Variants in SLC5A9 observed in about 807,000 individuals in gnomAD.
SLC5A9 encodes sodium/glucose cotransporter 4.
SLC5A9 carries 59 observed loss-of-function variants against 70.9 expected under a neutral mutation model. That is an observed-to-expected ratio of 0.83 (90% confidence interval 0.68 to 1.03). The LOEUF (loss-of-function observed/expected upper bound fraction) is 1.03, where lower values mean the gene tolerates loss of function less well. Among genes scored for constraint, SLC5A9 ranks in the 50% least tolerant of loss-of-function variants. The probability of loss-of-function intolerance (pLI) is 0.00; values close to 1 mark genes in which losing one functional copy is unlikely to be tolerated. For synonymous variants in SLC5A9, 340 were observed against 346.5 expected (o/e 0.98, Z 0.21); for missense variants, 832 against 881.1 (o/e 0.94, Z 0.71).
rs572349864 is a variant in SLC5A9 at position 48,224,816 on chromosome 1, C to G, written c.234+21C>G. On this transcript the variant is annotated intron_variant, in intron 2 of 13. Coordinates refer to ENST00000438567, the MANE Select transcript of SLC5A9 (RefSeq NM_001011547.3). ...GGCCAGTGAGTTGACCCTTCTCAAC[C>G]ACCCCTAGTGCAGAGGCTCCCAACT... The G allele has an allele frequency of 5.0e-6, 8 of 1,612,280 alleles. No homozygotes were observed. The South Asian group carries it at 8.8e-5, about 18-fold the overall frequency.
In SLC5A9 at chr1:48,233,716, T is replaced by A; in HGVS notation, c.1095T>A (p.Cys365Ter). 1 of 1,614,120 alleles carries A rather than the reference T, an allele frequency of 6.2e-7. No homozygotes were observed. The highest frequency in any genetic ancestry group is 8.5e-7 in the Non-Finnish European group (1 of 1,180,020). The change falls in exon 9 of 14, where the codon TGT (cysteine) becomes TGA (stop). Residue 365 changes from cysteine to a stop codon, truncating the protein, a stop_gained. Transcript: ENST00000438567. LOFTEE classifies it high-confidence loss of function. ...GAATCTGTGGGGCCCGAGTGGGATGTTCCAACATTGCCTACCCTAAGTTGG... is the reference window on the plus strand; with the variant it reads ...GAATCTGTGGGGCCCGAGTGGGATGATCCAACATTGCCTACCCTAAGTTGG... The part of the protein sequence containing the change: ...CQRICGARVG[C>*]SNIAYPKLVM...
intron 7 of SLC5A9, 43 bp downstream of exon 7, chr1:48,232,194 G>A (rs1451694228): frequency 4.4e-6 from 7 of 1,582,836 alleles, no homozygotes; most frequent in Non-Finnish European, 3.4e-6. Flanking sequence ...CAGGAAGTGG[G>A]GTGGCTTCCT....
At position 48,239,180 on chromosome 1, in the gene SLC5A9, G is replaced by T. The variant is rs576679972; in HGVS notation, c.1462-142G>T. On this transcript the variant is annotated intron_variant, in intron 11 of 13. Transcript: ENST00000438567. This position sits in a 1 kb window ranked among gnomAD's most constrained non-coding sequence, Gnocchi z 4.2. ...AAGACGAAGTCTCAGTATTAATGGAGAACTCATTTTCCCATTAGTAGATGG... is the reference window on the plus strand; with the variant it reads ...AAGACGAAGTCTCAGTATTAATGGATAACTCATTTTCCCATTAGTAGATGG... 3.1e-6 allele frequency: 2 copies of T among 640,106 alleles called. No individual in the cohort carries two copies. Among genetic ancestry groups the T allele is most frequent in the African/African-American group, 1.8e-5 (1 of 54,642 alleles). 39.7% of individuals were successfully genotyped at this position (640,106 alleles called of 1,614,324 possible).
At chr1:48,235,933 C>G (rs1481484415) in intron 10 of SLC5A9, 54 bp downstream of exon 10, 1 of 1,605,076 alleles carries the variant, frequency 6.2e-7, no homozygotes, top group Non-Finnish European at 8.5e-7. Flanking sequence ...CTCTGCCCTG[C>G]CCTGGGTTAC....
chr1:48,230,424 C>T (rs963538830), intron 4 of SLC5A9, among the ~76,000 whole-genome samples, 176 bp from the exon 5 acceptor site: 11 of 152,196 alleles, frequency 7.2e-5, no homozygotes, highest in Non-Finnish European at 1.3e-4. Flanking sequence ...GTCTCCATGG[C>T]GCCTCAGTGT....
chr1:48,235,446 T>C (rs1644312766), intron 9 of SLC5A9, among the ~76,000 whole-genome samples: 1 of 151,868 alleles, frequency 6.6e-6, no homozygotes, highest in African/African-American at 2.4e-5. Context: ...CATAACTTAA[T>C]AGGATAGATG....
chr1:48,247,245 C>T, intron 13 of SLC5A9, 90 bp from the exon 14 acceptor site: 1 of 1,198,470 alleles, frequency 8.3e-7, no homozygotes, highest in Non-Finnish European at 1.2e-6. Context: ...CATCTCTCTC[C>T]CTCCCCTACT....
Position 48,231,551 on chromosome 1 carries a change from T to C in SLC5A9, c.617T>C (p.Leu206Pro). 2 of 1,544,082 alleles carry C rather than the reference T, an allele frequency of 1.3e-6. No homozygotes were observed. Among genetic ancestry groups the C allele is most frequent in the Non-Finnish European group, 1.7e-6 (2 of 1,147,120 alleles). ...CCTCTCCTTGGGTCCCCAGGTGGCC[T>C]CATGGCCGTGATCTACACAGATGCT... The part of the protein sequence containing the change: ...VTAVYTIAGG[L>P]MAVIYTDALQ... The change falls in exon 6 of 14, where the codon CTC becomes CCC. Residue 206 changes from leucine to proline, a missense_variant. Physicochemically the swap from Leu to Pro is moderately conservative, Grantham distance 98. Transcript: ENST00000438567.
At chr1:48,225,287 T>C (rs549919423) in intron 2 of SLC5A9, among the ~76,000 whole-genome samples, 1 of 151,882 alleles carries the variant, frequency 6.6e-6, no homozygotes, top group Non-Finnish European at 1.5e-5. Context: ...AGAGGTAAAA[T>C]CCCCAGCAAT....
At position 48,244,066 on chromosome 1, in the gene SLC5A9, G is replaced by A. The variant is rs552245872; in HGVS notation, c.1837+1450G>A. The stretch of plus-strand genomic sequence containing the variant: ...ACAATGGTATGTCATTGTTTATAAC[G>A]TCCAGGCAGAGAAATAAAATGCATC... On this transcript the variant is annotated intron_variant, in intron 13 of 13. Coordinates refer to ENST00000438567, the MANE Select transcript of SLC5A9 (RefSeq NM_001011547.3). 1.1e-4 allele frequency among the ~76,000 whole-genome samples: 17 copies of A among 152,256 alleles called. No individual in the cohort carries two copies. The South Asian group carries it at 1.9e-3, about 17-fold the overall frequency.
At chr1:48,223,742 G>C (rs1470451614) in intron 1 of SLC5A9, among the ~76,000 whole-genome samples, 1 of 152,108 alleles carries the variant, frequency 6.6e-6, no homozygotes, top group African/African-American at 2.4e-5. Context: ...ATCTATAAAG[G>C]GGGGTGAACA....
intron 4 of SLC5A9, 109 bp downstream of exon 4, chr1:48,229,568 A>T: frequency 3.3e-6 from 5 of 1,522,986 alleles, no homozygotes; most frequent in Non-Finnish European, 4.4e-6. Flanking sequence ...TCACTGTTGA[A>T]AAAAAGGAAA....
At chr1:48,229,166 G>A in intron 3 of SLC5A9, 129 bp from the exon 4 acceptor site, 4 of 1,614,054 alleles carry the variant, frequency 2.5e-6, no homozygotes, top group South Asian at 1.1e-5. Flanking sequence ...GAGGACTGGG[G>A]TCAGGTCCCA....
intron 13 of SLC5A9, among the ~76,000 whole-genome samples, chr1:48,244,040 C>T (rs562811011): frequency 7.2e-5 from 11 of 152,268 alleles, no homozygotes; most frequent in African/African-American, 2.6e-4. Flanking sequence ...GGCTTTTAAA[C>T]ACAATGGTAT....
chr1:48,232,983 A>AGGAAGGAAGG (rs1221417305), intron 8 of SLC5A9, among the ~76,000 whole-genome samples: 2 of 135,216 alleles, frequency 1.5e-5, no homozygotes, highest in Non-Finnish European at 3.2e-5. Context: ...AAGAAAAGGA[A>AGGAAGGAAGG]GGAAGGAAGG....
Position 48,231,602 on chromosome 1 carries a change from G to T in SLC5A9, c.668G>T (p.Gly223Val). ...CTGCAGACGGTGATCATGGTAGGGG[G>T]AGCCCTGGTCCTCATGTTTCTGGGT... ...DALQTVIMVG[G>V]ALVLMFLGFQ... The change falls in exon 6 of 14, where the codon GGA becomes GTA. Residue 223 changes from glycine to valine, a missense_variant. Gly to Val is a moderately radical substitution (Grantham distance 109). Transcript: ENST00000438567. The T allele has an allele frequency of 6.2e-7, 1 of 1,614,168 alleles. No individual in the cohort carries two copies. Among genetic ancestry groups the T allele is most frequent in the Non-Finnish European group, 8.5e-7 (1 of 1,180,008 alleles).
intron 6 of SLC5A9, 64 bp downstream of exon 6, chr1:48,231,689 C>T: frequency 6.3e-7 from 1 of 1,588,680 alleles, no homozygotes; most frequent in South Asian, 1.1e-5. Flanking sequence ...CTGTCTCTGC[C>T]ACCTCCACAG....
Position 48,247,553 on chromosome 1 carries a change from C to T in SLC5A9, c.*10C>T. On this transcript the variant is annotated 3_prime_UTR_variant, in exon 14 of 14. Coordinates refer to ENST00000438567, the MANE Select transcript of SLC5A9 (RefSeq NM_001011547.3). ...GGGCTATTTTGCGTGATTCCACAGA[C>T]CTGGCTTCAGTGTAGACAGATTAAA... 1 of 1,613,808 alleles carries T rather than the reference C, an allele frequency of 6.2e-7. No homozygotes were observed. Among genetic ancestry groups the T allele is most frequent in the Non-Finnish European group, 8.5e-7 (1 of 1,179,676 alleles).
intron 4 of SLC5A9, among the ~76,000 whole-genome samples, chr1:48,230,184 G>A (rs765155133): frequency 6.6e-5 from 10 of 152,196 alleles, no homozygotes; most frequent in South Asian, 4.1e-4. Context: ...TGGGTCAGCC[G>A]TGGGCCACCT....
Sources: allele counts gnomAD v4.1 joint callset (sites outside exome capture counted in the v4.1 genomes callset), GRCh38; gene constraint gnomAD v4.1.1; non-coding constraint Gnocchi (gnomAD v3.1); transcripts MANE v1.5; gene names NCBI Gene and HGNC (gene_info 2026-07-23, HGNC 2026-07-21).